PAPSS1: variants seen among roughly 807,000 people sequenced by gnomAD.
PAPSS1 encodes the protein bifunctional 3'-phosphoadenosine 5'-phosphosulfate synthase 1.
A neutral mutation model predicts 72.0 loss-of-function variants in PAPSS1; 50 were observed. The observed-to-expected ratio is 0.69, with a 90% CI of 0.55 to 0.88. The LOEUF (loss-of-function observed/expected upper bound fraction) is 0.88, where lower values mean the gene tolerates loss of function less well. Among genes scored for constraint, PAPSS1 ranks in the 40% least tolerant of loss-of-function variants. The probability of loss-of-function intolerance (pLI) is 0.00; values close to 1 mark genes in which losing one functional copy is unlikely to be tolerated. For synonymous variants in PAPSS1, 261 were observed against 263.6 expected (o/e 0.99, Z 0.09); for missense variants, 657 against 782.2 (o/e 0.84, Z 1.91).
chr4:107,664,354 G>A (rs564406505), intron 5 of PAPSS1, among the ~76,000 whole-genome samples: 106 of 152,326 alleles, frequency 7.0e-4, no homozygotes, highest in Non-Finnish European at 6.8e-4. Flanking sequence ...AAGAAAGCAT[G>A]CAGCAGACAC....
At chr4:107,690,741 A>G (rs774898648) in intron 3 of PAPSS1, among the ~76,000 whole-genome samples, 3 of 152,282 alleles carry the variant, frequency 2.0e-5, no homozygotes, top group Non-Finnish European at 4.4e-5. Flanking sequence ...TGCCCTAAAC[A>G]TAGTCCAAAC....
At chr4:107,712,173 C>G (rs1181022427) in intron 1 of PAPSS1, among the ~76,000 whole-genome samples, 1 of 152,172 alleles carries the variant, frequency 6.6e-6, no homozygotes, top group African/African-American at 2.4e-5. Context: ...CCCTCCATTC[C>G]ATTACCTCCA....
chr4:107,652,381 C>T lies in PAPSS1; in HGVS notation c.1237+1110G>A, dbSNP rs560343616. Among the ~76,000 whole-genome samples, 12 of 152,154 alleles carry T rather than the reference C, an allele frequency of 7.9e-5. No individual in the cohort carries two copies. The South Asian group carries it at 2.5e-3, about 32-fold the overall frequency. ...CAGGTATAGAAAGAGTATGGGTGCA[C>T]CAAGGTAAGCACATCATTTACCCAC... On this transcript the variant is annotated intron_variant, in intron 9 of 11. Coordinates refer to ENST00000265174, the MANE Select transcript of PAPSS1 (RefSeq NM_005443.5).
chr4:107,651,775 GA>G (rs1174184000), intron 9 of PAPSS1, among the ~76,000 whole-genome samples: 12 of 152,086 alleles, frequency 7.9e-5, no homozygotes, highest in Non-Finnish European at 1.8e-4. Flanking sequence ...GATTTGGGAG[GA>G]CACAGCCAAA....
At chr4:107,635,026 C>T (rs376018143) in intron 10 of PAPSS1, among the ~76,000 whole-genome samples, 1 of 152,098 alleles carries the variant, frequency 6.6e-6, no homozygotes, top group East Asian at 1.9e-4. Context: ...TCTCGATCTC[C>T]TGACCTTGTG....
Position 107,614,207 on chromosome 4 carries a change from T to C in PAPSS1, c.*42A>G. 2 of 1,585,574 alleles carry C rather than the reference T, an allele frequency of 1.3e-6. No individual in the cohort carries two copies. Among genetic ancestry groups the C allele is most frequent in the Non-Finnish European group, 1.7e-6 (2 of 1,160,260 alleles). ...ACAGAGACTATGTGGTCCCCTCTTG[T>C]TACTAGTAATGTGTCAAAGGTGGAG... is the stretch of plus-strand genomic sequence containing the variant. On this transcript the variant is annotated 3_prime_UTR_variant, in exon 12 of 12. Transcript: ENST00000265174.
At chr4:107,703,940 G>C (rs1309175402) in intron 1 of PAPSS1, among the ~76,000 whole-genome samples, 1 of 152,176 alleles carries the variant, frequency 6.6e-6, no homozygotes, top group Non-Finnish European at 1.5e-5. Context: ...ACTTTAAGTA[G>C]TATGGACATT....
Position 107,693,877 on chromosome 4 carries a change from C to T in PAPSS1, c.305G>A (p.Ser102Asn). The T allele has an allele frequency of 6.2e-7, 1 of 1,613,920 alleles. No homozygotes were observed. Among genetic ancestry groups the T allele is most frequent in the Non-Finnish European group, 8.5e-7 (1 of 1,179,882 alleles). ...AACATTCTCTTCTCTGTCTTCAGGACTAAAGCCAAGATTTTTATTGAGACC... is the reference window on the plus strand; with the variant it reads ...AACATTCTCTTCTCTGTCTTCAGGATTAAAGCCAAGATTTTTATTGAGACC... ...RQGLNKNLGFSPEDREENVRR... is the reference protein window; with the variant it reads ...RQGLNKNLGFNPEDREENVRR... The change falls in exon 3 of 12, where the codon AGT becomes AAT. Residue 102 changes from serine to asparagine, a missense_variant. This residue lies in a region of PAPSS1 where 119 missense variants were observed against 171.1 expected (regional missense o/e 0.70). Transcript: ENST00000265174.
chr4:107,678,914 A>C (rs1260567171), intron 5 of PAPSS1, among the ~76,000 whole-genome samples: 1 of 152,156 alleles, frequency 6.6e-6, no homozygotes, highest in Non-Finnish European at 1.5e-5. Flanking sequence ...GAGGGGTGGA[A>C]GCAAATATGG....
chr4:107,709,801 C>T (rs1421040056), intron 1 of PAPSS1, among the ~76,000 whole-genome samples: 1 of 152,170 alleles, frequency 6.6e-6, no homozygotes, highest in African/African-American at 2.4e-5. Flanking sequence ...GCCTTGCCAA[C>T]CAAACTATCC....
intron 5 of PAPSS1, among the ~76,000 whole-genome samples, chr4:107,662,073 A>T (rs1440213450): frequency 1.3e-5 from 2 of 152,222 alleles, no homozygotes; most frequent in African/African-American, 4.8e-5. Context: ...ATAAATAAAT[A>T]AACAAGAAGA....
chr4:107,710,117 A>G (rs1578438473), intron 1 of PAPSS1, among the ~76,000 whole-genome samples: 1 of 152,182 alleles, frequency 6.6e-6, no homozygotes, highest in Non-Finnish European at 1.5e-5. Flanking sequence ...CTGAGGAAAC[A>G]TGACATTAAT....
chr4:107,715,344 T>C (rs1578442134), intron 1 of PAPSS1, among the ~76,000 whole-genome samples: 2 of 152,332 alleles, frequency 1.3e-5, no homozygotes, highest in East Asian at 3.9e-4. Context: ...TTTAGTATCA[T>C]CTTCCCAGGG....
intron 10 of PAPSS1, among the ~76,000 whole-genome samples, chr4:107,635,322 CT>C (rs1381335648): frequency 6.6e-6 from 1 of 152,066 alleles, no homozygotes; most frequent in Non-Finnish European, 1.5e-5. Context: ...AAAATCTTAA[CT>C]TTTATACTGT....
intron 4 of PAPSS1, among the ~76,000 whole-genome samples, chr4:107,685,636 C>T (rs2110338714): frequency 6.6e-6 from 1 of 152,312 alleles, no homozygotes; most frequent in Non-Finnish European, 1.5e-5. Flanking sequence ...AGAGGGTTGA[C>T]AGGCAGCAGT....
intron 4 of PAPSS1, among the ~76,000 whole-genome samples, chr4:107,685,790 C>T (rs754564190): frequency 6.6e-6 from 1 of 152,188 alleles, no homozygotes; most frequent in Admixed American, 6.5e-5. Context: ...GAATAACTAC[C>T]ATTTTCCTTC....
chr4:107,717,081 TA>T (rs67961519), intron 1 of PAPSS1, among the ~76,000 whole-genome samples: 42,099 of 147,966 alleles, frequency 0.28, 6,687 homozygotes, highest in East Asian at 0.46. Flanking sequence ...GTACTAACTG[TA>T]AAAAAAAAAA....
intron 9 of PAPSS1, among the ~76,000 whole-genome samples, chr4:107,645,733 T>C (rs1311767920): frequency 1.3e-5 from 2 of 152,210 alleles, no homozygotes; most frequent in Non-Finnish European, 2.9e-5. Context: ...TACGTGGTGC[T>C]TGCTAGCAGG....
At chr4:107,630,035 G>A (rs1212905464) in intron 11 of PAPSS1, among the ~76,000 whole-genome samples, 2 of 151,908 alleles carry the variant, frequency 1.3e-5, no homozygotes, top group Admixed American at 1.3e-4. Context: ...ATCTTTAAGG[G>A]GCACCCATTT....
Sources: allele counts gnomAD v4.1 joint callset (sites outside exome capture counted in the v4.1 genomes callset), GRCh38; gene constraint gnomAD v4.1.1; regional missense constraint gnomAD v4.1.1; transcripts MANE v1.5; gene names NCBI Gene and HGNC (gene_info 2026-07-23, HGNC 2026-07-21).